Variants in GNG7 observed in about 807,000 individuals in gnomAD.
GNG7 encodes the protein guanine nucleotide-binding protein G(I)/G(S)/G(O) subunit gamma-7.
In GNG7, 1 loss-of-function variant was observed where a neutral mutation model predicts 4.0. That is an observed-to-expected ratio of 0.25 (90% CI 0.09 to 1.18). GNG7 has a LOEUF of 1.18. Ranked by LOEUF, GNG7 falls within the 50% of genes most tolerant of loss-of-function variation. The pLI is 0.50. For synonymous variants in GNG7, 34 were observed against 36.9 expected (o/e 0.92, Z 0.29); for missense variants, 86 against 91.9 (o/e 0.94, Z 0.26).
chr19:2,592,964 AAGGG>A (rs1000364240), intron 2 of GNG7, among the ~76,000 whole-genome samples: 2 of 139,308 alleles, frequency 1.4e-5, no homozygotes, highest in African/African-American at 2.6e-5. Context: ...GAAAGAAAGA[AAGGG>A]AGGGAGGGAG....
chr19:2,672,084 C>G (rs1983469979), intron 1 of GNG7, among the ~76,000 whole-genome samples: 2 of 150,762 alleles, frequency 1.3e-5, no homozygotes, highest in Non-Finnish European at 3.0e-5. Context: ...GAGTCTCGCT[C>G]TCTCACCCAG....
At chr19:2,536,774 G>A (rs1978749757) in intron 3 of GNG7, among the ~76,000 whole-genome samples, 1 of 152,010 alleles carries the variant, frequency 6.6e-6, no homozygotes, top group Admixed American at 6.6e-5. Flanking sequence ...TTTCCCCTGT[G>A]CTCCACGACA....
chr19:2,661,373 C>T (rs1475986573), intron 1 of GNG7, among the ~76,000 whole-genome samples: 4 of 143,204 alleles, frequency 2.8e-5, no homozygotes, highest in African/African-American at 1.1e-4. Context: ...ATGGGCCCTC[C>T]AGGCTGGGCA....
At chr19:2,666,975 C>G (rs1983326158) in intron 1 of GNG7, among the ~76,000 whole-genome samples, 1 of 152,334 alleles carries the variant, frequency 6.6e-6, no homozygotes, top group Non-Finnish European at 1.5e-5. Flanking sequence ...AGATTCACCT[C>G]CGATCCTCAA....
At chr19:2,604,984 C>G (rs1981333921) in intron 2 of GNG7, among the ~76,000 whole-genome samples, 1 of 152,142 alleles carries the variant, frequency 6.6e-6, no homozygotes, top group African/African-American at 2.4e-5. Context: ...GATCTGGTGG[C>G]TTAAAACAAT....
At chr19:2,573,284 A>T (rs1021615565) in intron 2 of GNG7, among the ~76,000 whole-genome samples, 1 of 151,098 alleles carries the variant, frequency 6.6e-6, no homozygotes, top group African/African-American at 2.4e-5. Context: ...CAGCCTCCCA[A>T]AGTGCTGGGA....
At chr19:2,630,222 A>G (rs1373267848) in intron 2 of GNG7, among the ~76,000 whole-genome samples, 1 of 152,106 alleles carries the variant, frequency 6.6e-6, no homozygotes, top group Non-Finnish European at 1.5e-5. Context: ...GGCCGAACGC[A>G]GGCCCCCCCT....
rs531425668 is a variant in GNG7 at position 2,511,651 on chromosome 19, G to A, written c.*3371C>T. 1.0e-5 allele frequency: 3 copies of A among 294,136 alleles called. No individual in the cohort carries two copies. Among genetic ancestry groups the A allele is most frequent in the Non-Finnish European group, 1.5e-5 (3 of 197,604 alleles). 18.2% of individuals were successfully genotyped at this position (294,136 alleles called of 1,614,324 possible). On this transcript the variant is annotated 3_prime_UTR_variant, in exon 5 of 5. Transcript: ENST00000382159. The surrounding 1 kb of genome is among the most constrained non-coding windows in gnomAD (Gnocchi z 6.3). ...ACCTGCCCCAGAACTTGGGCAGGACGGGCTGTTAACTTGGAGATGGATGCG... is the reference window on the plus strand; with the variant it reads ...ACCTGCCCCAGAACTTGGGCAGGACAGGCTGTTAACTTGGAGATGGATGCG...
intron 1 of GNG7, among the ~76,000 whole-genome samples, chr19:2,687,541 G>T (rs1185209931): frequency 1.3e-5 from 2 of 152,082 alleles, no homozygotes; most frequent in African/African-American, 4.8e-5. Context: ...GCTTGAGCCC[G>T]GGAGGCAGAG....
intron 2 of GNG7, among the ~76,000 whole-genome samples, chr19:2,601,212 G>A (rs950752524): frequency 1.3e-5 from 2 of 152,172 alleles, no homozygotes; most frequent in Non-Finnish European, 2.9e-5. Flanking sequence ...CCAAAGCTGT[G>A]TTCTTTGCAT....
chr19:2,695,213 C>T (rs1424730625), intron 1 of GNG7, among the ~76,000 whole-genome samples: 1 of 151,970 alleles, frequency 6.6e-6, no homozygotes, highest in Non-Finnish European at 1.5e-5. Context: ...CCAATCCGTT[C>T]CCTGGCAAAC....
At chr19:2,639,224 ACT>A (rs1322517364) in intron 2 of GNG7, among the ~76,000 whole-genome samples, 1 of 141,720 alleles carries the variant, frequency 7.1e-6, no homozygotes, top group Non-Finnish European at 1.5e-5. Flanking sequence ...ACAGAGTGAG[ACT>A]CTGTCAAAAA....
chr19:2,604,460 GA>G (rs1753721942), intron 2 of GNG7, among the ~76,000 whole-genome samples: 1 of 119,626 alleles, frequency 8.4e-6, no homozygotes, highest in Non-Finnish European at 1.6e-5. Context: ...AACGGAGCAA[GA>G]CCCTGCTTCA....
At chr19:2,683,902 A>G (rs1195523998) in intron 1 of GNG7, among the ~76,000 whole-genome samples, 1 of 152,166 alleles carries the variant, frequency 6.6e-6, no homozygotes, top group Non-Finnish European at 1.5e-5. Flanking sequence ...GAGCTGGTGG[A>G]CAGCATCGGC....
At chr19:2,569,263 TTCTC>T (rs60299972) in intron 2 of GNG7, among the ~76,000 whole-genome samples, 70,083 of 150,936 alleles carry the variant, frequency 0.46, 18,444 homozygotes, top group South Asian at 0.58. Flanking sequence ...ATCATCTCCA[TTCTC>T]TCTCTCTCTC....
chr19:2,554,275 C>T (rs1281513284), intron 3 of GNG7, among the ~76,000 whole-genome samples: 1 of 148,994 alleles, frequency 6.7e-6, no homozygotes, highest in African/African-American at 2.5e-5. Flanking sequence ...TAGCCTCCAC[C>T]TCCTGGGCTC....
chr19:2,647,390 C>A (rs932280447), intron 1 of GNG7, among the ~76,000 whole-genome samples: 3 of 152,140 alleles, frequency 2.0e-5, no homozygotes, highest in Non-Finnish European at 4.4e-5. Flanking sequence ...AGAAGCCGGG[C>A]CTGGCCTCCC....
At chr19:2,663,782 C>G (rs1983236940) in intron 1 of GNG7, among the ~76,000 whole-genome samples, 1 of 152,294 alleles carries the variant, frequency 6.6e-6, no homozygotes, top group East Asian at 1.9e-4. Flanking sequence ...GTTTTTAAAA[C>G]TGAACAAATC....
At chr19:2,522,071 C>T (rs1446416506) in intron 3 of GNG7, among the ~76,000 whole-genome samples, 5 of 152,152 alleles carry the variant, frequency 3.3e-5, no homozygotes, top group Non-Finnish European at 7.3e-5. Context: ...CTCTGCCCTC[C>T]ATGGAGCACT....
Sources: allele counts gnomAD v4.1 joint callset (sites outside exome capture counted in the v4.1 genomes callset), GRCh38; gene constraint gnomAD v4.1.1; non-coding constraint Gnocchi (gnomAD v3.1); transcripts MANE v1.5; gene names NCBI Gene and HGNC (gene_info 2026-07-23, HGNC 2026-07-21).